The following ANOS1 variants were observed in gnomAD, a reference collection of about 807,000 sequenced individuals.
ANOS1 encodes the protein anosmin-1.
ANOS1 carries 6 observed loss-of-function variants against 59.0 expected under a neutral mutation model. The ratio of observed to expected loss-of-function variants is 0.10; its 90% CI spans 0.06 to 0.20. The LOEUF is 0.20. Ranked by LOEUF, ANOS1 falls within the 10% of genes least tolerant of loss-of-function variation. The pLI is 1.00. For synonymous variants in ANOS1, 217 were observed against 223.4 expected (o/e 0.97, Z 0.25); for missense variants, 433 against 542.3 (o/e 0.80, Z 2.00).
chrX:8,609,729 C>T (rs1364663606), intron 3 of ANOS1, among the ~76,000 whole-genome samples: 2 of 110,544 alleles, frequency 1.8e-5, no homozygotes, highest in Admixed American at 9.7e-5. Flanking sequence ...ATCTTTAGGT[C>T]GGGCATGGTG....
chrX:8,572,913 T>C (rs1930256574), intron 6 of ANOS1, among the ~76,000 whole-genome samples: 1 of 111,114 alleles, frequency 9.0e-6, no homozygotes, highest in Admixed American at 9.5e-5. Context: ...CCTGTCGTTA[T>C]TGGAATGGGA....
intron 2 of ANOS1, among the ~76,000 whole-genome samples, chrX:8,651,694 G>T (rs1021223771): frequency 8.9e-6 from 1 of 112,101 alleles, no homozygotes; most frequent in Admixed American, 9.4e-5. Flanking sequence ...GAAATTGCTC[G>T]TACAAAACTA....
chrX:8,575,794 A>G (rs1198323537), intron 6 of ANOS1, among the ~76,000 whole-genome samples: 1 of 111,386 alleles, frequency 9.0e-6, no homozygotes, highest in African/African-American at 3.3e-5. Flanking sequence ...TTCTCCCCCA[A>G]AATAATCACC....
chrX:8,553,084 T>C (rs1298370202), intron 9 of ANOS1, among the ~76,000 whole-genome samples: 4 of 110,194 alleles, frequency 3.6e-5, no homozygotes, highest in Non-Finnish European at 7.6e-5. Flanking sequence ...AACCTAACTC[T>C]TGAAACAATC....
chrX:8,658,416 T>A (rs768257080), intron 2 of ANOS1, among the ~76,000 whole-genome samples: 28 of 112,081 alleles, frequency 2.5e-4, no homozygotes, highest in African/African-American at 9.1e-4. Context: ...GCTGTTAAAA[T>A]TTCCTCTTTA....
intron 1 of ANOS1, among the ~76,000 whole-genome samples, chrX:8,710,501 A>G (rs1319239976): frequency 8.9e-6 from 1 of 112,178 alleles, no homozygotes. Context: ...AAATGGTAGC[A>G]TTCTGACTCA....
At chrX:8,714,935 C>G (rs1932833470) in intron 1 of ANOS1, among the ~76,000 whole-genome samples, 1 of 112,058 alleles carries the variant, frequency 8.9e-6, no homozygotes, top group African/African-American at 3.2e-5. Flanking sequence ...ACCCATTCAT[C>G]ATGATTCTGG....
intron 3 of ANOS1, among the ~76,000 whole-genome samples, chrX:8,610,632 C>G (rs1234569935): frequency 9.0e-6 from 1 of 110,947 alleles, no homozygotes; most frequent in African/African-American, 3.3e-5. Context: ...AATCAGACAG[C>G]AATAAAGGAA....
At chrX:8,712,658 C>T (rs2146906490) in intron 1 of ANOS1, among the ~76,000 whole-genome samples, 1 of 112,690 alleles carries the variant, frequency 8.9e-6, no homozygotes, top group Admixed American at 9.4e-5. Flanking sequence ...TTTGTAACAA[C>T]CCATCTGTCC....
chrX:8,569,598 C>CG (rs1930190816), intron 7 of ANOS1, among the ~76,000 whole-genome samples: 1 of 111,846 alleles, frequency 8.9e-6, no homozygotes, highest in African/African-American at 3.3e-5. Flanking sequence ...GCCGAGATTG[C>CG]TCCACTGCAC....
chrX:8,587,023 T>C (rs1271234307), intron 5 of ANOS1, among the ~76,000 whole-genome samples: 1 of 109,905 alleles, frequency 9.1e-6, no homozygotes, highest in African/African-American at 3.3e-5. Context: ...AGATTTTTTT[T>C]CCTATAGACA....
In ANOS1 at chrX:8,550,048, T is replaced by C. The variant is rs5934446; in HGVS notation, c.1354+3904A>G. 3.0e-3 allele frequency among the ~76,000 whole-genome samples: 330 copies of C among 111,824 alleles called. 2 individuals are homozygous for C. Among genetic ancestry groups the C allele is most frequent in the Non-Finnish European group, 5.1e-3 (272 of 53,155 alleles). On this transcript the variant is annotated intron_variant, in intron 9 of 13. Coordinates refer to ENST00000262648, the MANE Select transcript of ANOS1 (RefSeq NM_000216.4). ...CATCAAAGATATGGAAAGGAAAATA[T>C]AAAATTCTCATTATTTACAAACTAG...
At chrX:8,656,763 G>A (rs927235722) in intron 2 of ANOS1, among the ~76,000 whole-genome samples, 5 of 110,977 alleles carry the variant, frequency 4.5e-5, no homozygotes, top group African/African-American at 1.6e-4. Flanking sequence ...CTCAACTCCC[G>A]ATGTGAGGCT....
intron 8 of ANOS1, chrX:8,566,165 CA>C: frequency 2.7e-6 from 2 of 753,035 alleles, no homozygotes; most frequent in Middle Eastern, 7.6e-4. Context: ...TCTCATTCCC[CA>C]ACTCCATGTT....
intron 8 of ANOS1, chrX:8,566,074 T>A: frequency 1.3e-6 from 1 of 754,265 alleles, no homozygotes; most frequent in Non-Finnish European, 1.6e-6. Flanking sequence ...TCCACGCTGC[T>A]GCGTTTGTGT....
At chrX:8,610,574 T>C in intron 3 of ANOS1, among the ~76,000 whole-genome samples, 1 of 111,820 alleles carries the variant, frequency 8.9e-6, no homozygotes, top group South Asian at 3.8e-4. Context: ...GGCTGAATAC[T>C]GACTTGAATG....
chrX:8,700,551 T>G (rs1300886103), intron 1 of ANOS1, among the ~76,000 whole-genome samples: 1 of 111,712 alleles, frequency 9.0e-6, no homozygotes, highest in Non-Finnish European at 1.9e-5. Flanking sequence ...AGATCCCACG[T>G]GAAAAGCCTT....
At chrX:8,635,885 C>A (rs1405003868) in intron 2 of ANOS1, among the ~76,000 whole-genome samples, 1 of 111,719 alleles carries the variant, frequency 9.0e-6, no homozygotes, top group East Asian at 2.8e-4. Context: ...GTTTTACAGG[C>A]TGAATTAACG....
chrX:8,713,219 T>C (rs923176588), intron 1 of ANOS1, among the ~76,000 whole-genome samples: 2 of 110,615 alleles, frequency 1.8e-5, no homozygotes, highest in African/African-American at 6.6e-5. Context: ...ACTTAATCAA[T>C]TGTACATAAC....
Sources: gnomAD v4.1 joint callset for allele counts (sites outside exome capture counted in the v4.1 genomes callset) on GRCh38, gnomAD v4.1.1 for gene constraint, MANE v1.5 for transcripts, NCBI Gene and HGNC (gene_info 2026-07-23, HGNC 2026-07-21) for gene names.